Variants in CPNE4 observed in about 807,000 individuals in gnomAD.
CPNE4 encodes the protein copine-4.
Under a neutral mutation model 67.9 loss-of-function variants are expected in CPNE4, and 25 were observed. The ratio of observed to expected loss-of-function variants is 0.37; its 90% CI spans 0.27 to 0.51. CPNE4 has a LOEUF of 0.51. CPNE4 is among the 20% of genes least tolerant of loss of function. The pLI is 0.93. For synonymous variants in CPNE4, 242 were observed against 244.9 expected (o/e 0.99, Z 0.11); for missense variants, 464 against 690.8 (o/e 0.67, Z 3.68).
chr3:131,794,118 C>T (rs1364045113), intron 2 of CPNE4, among the ~76,000 whole-genome samples: 2 of 152,212 alleles, frequency 1.3e-5, no homozygotes, highest in Non-Finnish European at 2.9e-5. Flanking sequence ...TCATCTCTGA[C>T]TGCCTCTGAG....
intron 2 of CPNE4, among the ~76,000 whole-genome samples, chr3:131,760,520 A>C (rs371640680): frequency 4.6e-5 from 7 of 152,308 alleles, no homozygotes; most frequent in African/African-American, 1.7e-4. Context: ...ACGTGTGTCT[A>C]TGCTTTACTT....
Position 131,905,422 on chromosome 3 carries a change from A to G in CPNE4, c.22T>C (p.Tyr8His), listed in dbSNP as rs2088708038. 3 of 1,612,960 alleles carry G rather than the reference A, an allele frequency of 1.9e-6. No homozygotes were observed. The highest frequency in any genetic ancestry group is 1.3e-5 in the African/African-American group (1 of 74,866). The part of the protein sequence containing the change: MKKMSNI[Y>H]ESAANTLGIF... ...CCCAGTGTGTTGGCAGCGGACTCAT[A>G]AATGTTGCTCATCTTCTTCATTCTG... Residue 8 changes from tyrosine to histidine, a missense_variant, in exon 2 of 16, where the codon TAT becomes CAT. Physicochemically the swap from Tyr to His is moderately conservative, Grantham distance 83. Coordinates refer to ENST00000429747, the MANE Select transcript of CPNE4 (RefSeq NM_130808.3).
intron 4 of CPNE4, among the ~76,000 whole-genome samples, chr3:131,697,361 T>A (rs2081179154): frequency 6.6e-6 from 1 of 152,220 alleles, no homozygotes; most frequent in South Asian, 2.1e-4. Flanking sequence ...AAAACCTTTA[T>A]AAATAATGTT....
intron 2 of CPNE4, among the ~76,000 whole-genome samples, chr3:131,874,339 C>T (rs2087348565): frequency 6.6e-6 from 1 of 152,294 alleles, no homozygotes; most frequent in East Asian, 1.9e-4. Context: ...TCGCCCGCCT[C>T]GGCCTCCCAA....
intron 6 of CPNE4, 132 bp from the exon 7 acceptor site, chr3:131,669,896 T>G: frequency 1.4e-6 from 1 of 705,918 alleles, no homozygotes; most frequent in Non-Finnish European, 2.4e-6. Context: ...GGTGCCTTAA[T>G]AAAAACTTGA....
chr3:131,717,869 C>CTTTCTTTTCTTTTCT lies in CPNE4; in HGVS notation c.360+5576_360+5577insAGAAAAGAAAAGAAA, dbSNP rs1553758847. Among the ~76,000 whole-genome samples the CTTTCTTTTCTTTTCT allele has an allele frequency of 3.3e-4, 15 of 45,156 alleles. 1 individual carries two copies. Among genetic ancestry groups the CTTTCTTTTCTTTTCT allele is most frequent in the Admixed American group, 2.2e-3 (12 of 5,466 alleles). The allele number at this position is 45,156 out of a possible 152,430, so 29.6% of individuals were successfully genotyped here. A position where few individuals can be genotyped will look rare whatever the true frequency, so the allele number is the denominator to read the frequency against. On this transcript the variant is annotated intron_variant, in intron 3 of 15. Coordinates refer to ENST00000429747, the MANE Select transcript of CPNE4 (RefSeq NM_130808.3). ...TCCTTCCTCGCTCCCTCCTTTCTTTCTTTCTTTTCTTTCTTTCTTTCTTTC... is the reference window on the plus strand; with the variant it reads ...TCCTTCCTCGCTCCCTCCTTTCTTTCTTTCTTTTCTTTTCTTTTCTTTTCTTTCTTTCTTTCTTTC...
intron 2 of CPNE4, among the ~76,000 whole-genome samples, chr3:131,834,519 G>A (rs1014455022): frequency 6.6e-6 from 1 of 152,054 alleles, no homozygotes; most frequent in African/African-American, 2.4e-5. Context: ...GTAATTATAT[G>A]TGTTAGTAAA....
At chr3:131,799,113 A>G (rs2084000655) in intron 2 of CPNE4, among the ~76,000 whole-genome samples, 1 of 152,080 alleles carries the variant, frequency 6.6e-6, no homozygotes, top group African/African-American at 2.4e-5. Context: ...GCTCCGACAG[A>G]AAAAAAATAT....
chr3:131,947,398 C>A (rs1313298908), intron 1 of CPNE4, among the ~76,000 whole-genome samples: 1 of 152,114 alleles, frequency 6.6e-6, no homozygotes, highest in Non-Finnish European at 1.5e-5. Flanking sequence ...CCTCCCACCC[C>A]CCAATAGGCC....
At chr3:131,951,482 TAC>T (rs2071718256) in intron 1 of CPNE4, among the ~76,000 whole-genome samples, 1 of 152,100 alleles carries the variant, frequency 6.6e-6, no homozygotes, top group African/African-American at 2.4e-5. Flanking sequence ...TGCCTAGAGA[TAC>T]TCCCCCTCCC....
intron 15 of CPNE4, among the ~76,000 whole-genome samples, chr3:131,538,208 T>A (rs1416732136): frequency 2.0e-5 from 3 of 152,264 alleles, no homozygotes; most frequent in Admixed American, 1.3e-4. Flanking sequence ...ATATCTGTGC[T>A]GTCCAGTATG....
chr3:131,603,991 C>A (rs1487761778), intron 7 of CPNE4, among the ~76,000 whole-genome samples: 1 of 152,128 alleles, frequency 6.6e-6, no homozygotes, highest in African/African-American at 2.4e-5. Context: ...TAAGGATTTA[C>A]CTTTTCTTTA....
chr3:131,754,237 G>T (rs1484123541), intron 2 of CPNE4, among the ~76,000 whole-genome samples: 1 of 151,972 alleles, frequency 6.6e-6, no homozygotes, highest in East Asian at 1.9e-4. Context: ...ATATTATTTT[G>T]TGTGTCAATA....
intron 6 of CPNE4, among the ~76,000 whole-genome samples, chr3:131,682,769 G>C (rs1239969614): frequency 6.6e-6 from 1 of 152,028 alleles, no homozygotes; most frequent in African/African-American, 2.4e-5. Flanking sequence ...TGCCATCTGG[G>C]AGCCAGAGCT....
intron 5 of CPNE4, among the ~76,000 whole-genome samples, chr3:131,692,370 A>G (rs1393858101): frequency 6.6e-6 from 1 of 152,206 alleles, no homozygotes; most frequent in Non-Finnish European, 1.5e-5. Context: ...CTTGGCACAT[A>G]ATAGATGCTC....
chr3:131,824,454 A>G (rs1424832307), intron 2 of CPNE4, among the ~76,000 whole-genome samples: 1 of 152,226 alleles, frequency 6.6e-6, no homozygotes, highest in Non-Finnish European at 1.5e-5. Flanking sequence ...TGAAAATACA[A>G]CATGATGAAA....
intron 3 of CPNE4, among the ~76,000 whole-genome samples, chr3:131,710,441 T>C (rs139755708): frequency 1.3e-5 from 2 of 152,268 alleles, no homozygotes; most frequent in East Asian, 1.9e-4. Context: ...ACTTTTATCC[T>C]CTCTGTGGGC....
chr3:131,577,865 G>C (rs1937588465), intron 9 of CPNE4, among the ~76,000 whole-genome samples: 2 of 152,004 alleles, frequency 1.3e-5, no homozygotes, highest in African/African-American at 4.8e-5. Flanking sequence ...CATATCGGTG[G>C]TCCATCATTG....
intron 2 of CPNE4, among the ~76,000 whole-genome samples, chr3:131,863,944 A>G (rs2107675683): frequency 6.6e-6 from 1 of 152,330 alleles, no homozygotes; most frequent in East Asian, 1.9e-4. Flanking sequence ...TTTTCCCAGC[A>G]CCATTTATTA....
Sources: allele counts gnomAD v4.1 joint callset (sites outside exome capture counted in the v4.1 genomes callset), GRCh38; gene constraint gnomAD v4.1.1; transcripts MANE v1.5; gene names NCBI Gene and HGNC (gene_info 2026-07-23, HGNC 2026-07-21).